Variants in SYK observed in about 807,000 individuals in gnomAD.
SYK encodes the protein tyrosine-protein kinase SYK.
Under a neutral mutation model 77.8 loss-of-function variants are expected in SYK, and 16 were observed. The ratio of observed to expected loss-of-function variants is 0.21; its 90% CI spans 0.14 to 0.31. The LOEUF (loss-of-function observed/expected upper bound fraction) is 0.31. Ranked by LOEUF, SYK falls within the 10% of genes least tolerant of loss-of-function variation. SYK has a pLI of 1.00. For missense variants in SYK, 529 were observed against 814.4 expected (o/e 0.65, Z 4.26); for synonymous variants, 312 against 308.7 (o/e 1.01, Z -0.11).
At chr9:90,816,143 G>A (rs376743667) in intron 1 of SYK, among the ~76,000 whole-genome samples, 16 of 152,308 alleles carry the variant, frequency 1.1e-4, no homozygotes, top group Middle Eastern at 6.8e-3. Flanking sequence ...TTTAGCGATC[G>A]TGAGAACCAC....
chr9:90,826,804 G>A (rs960270127), intron 1 of SYK, among the ~76,000 whole-genome samples: 17 of 152,200 alleles, frequency 1.1e-4, no homozygotes, highest in Admixed American at 1.1e-3. Flanking sequence ...AAAGTACCCT[G>A]AGGGAGCTGG....
At chr9:90,885,600 T>C (rs57851852) in intron 11 of SYK, among the ~76,000 whole-genome samples, 8,989 of 152,216 alleles carry the variant, frequency 0.059, 357 homozygotes, top group East Asian at 0.14. Flanking sequence ...AATGAAAGAT[T>C]AGAAATCCTA....
chr9:90,845,814 C>G (rs1162273138), intron 3 of SYK, among the ~76,000 whole-genome samples: 1 of 152,218 alleles, frequency 6.6e-6, no homozygotes, highest in Non-Finnish European at 1.5e-5. Context: ...AAAATGAACA[C>G]TCTTTTTGGG....
At chr9:90,840,575 A>C (rs1291147611) in intron 1 of SYK, among the ~76,000 whole-genome samples, 1 of 151,052 alleles carries the variant, frequency 6.6e-6, no homozygotes, top group Admixed American at 6.6e-5. Flanking sequence ...AAAAAAAAAA[A>C]ACTGTAGAAA....
intron 1 of SYK, among the ~76,000 whole-genome samples, chr9:90,812,776 T>TGC (rs1825136185): frequency 2.2e-5 from 2 of 91,526 alleles, no homozygotes; most frequent in South Asian, 4.5e-4. Context: ...TGTGTGTGTG[T>TGC]GTGAGAGAGA....
chr9:90,831,350 G>A (rs1353616733), intron 1 of SYK, among the ~76,000 whole-genome samples: 1 of 152,152 alleles, frequency 6.6e-6, no homozygotes, highest in African/African-American at 2.4e-5. Flanking sequence ...TTGATAACTA[G>A]GACAGATGGG....
chr9:90,829,070 C>T (rs779975256), intron 1 of SYK, among the ~76,000 whole-genome samples: 8 of 152,188 alleles, frequency 5.3e-5, no homozygotes, highest in Non-Finnish European at 1.2e-4. Context: ...GTGGGCGGAT[C>T]ATGAGGTCAG....
chr9:90,824,341 T>C (rs1825604675), intron 1 of SYK, among the ~76,000 whole-genome samples: 1 of 152,186 alleles, frequency 6.6e-6, no homozygotes, highest in Non-Finnish European at 1.5e-5. Context: ...CCATAATCTC[T>C]TCCAGAAAAT....
intron 3 of SYK, among the ~76,000 whole-genome samples, chr9:90,855,041 T>TACACACAC (rs1826975322): frequency 1.6e-5 from 1 of 61,264 alleles, no homozygotes; most frequent in Non-Finnish European, 3.8e-5. Context: ...CACACACACT[T>TACACACAC]GAGAACCGCG....
At chr9:90,836,234 C>G (rs1053699839) in intron 1 of SYK, among the ~76,000 whole-genome samples, 2 of 151,096 alleles carry the variant, frequency 1.3e-5, no homozygotes, top group Non-Finnish European at 2.9e-5. Context: ...TTGCAGTGAG[C>G]CGAGATTGTG....
chr9:90,871,179 A>G (rs1218096772), intron 7 of SYK, among the ~76,000 whole-genome samples: 3 of 152,236 alleles, frequency 2.0e-5, no homozygotes, highest in African/African-American at 7.2e-5. Flanking sequence ...AAAAGTCACC[A>G]GTTGTTCTTT....
chr9:90,830,748 G>A (rs903133381), intron 1 of SYK, among the ~76,000 whole-genome samples: 1 of 152,002 alleles, frequency 6.6e-6, no homozygotes, highest in South Asian at 2.1e-4. Context: ...ACCACGCCTG[G>A]CTAATTTTTT....
intron 1 of SYK, among the ~76,000 whole-genome samples, chr9:90,831,977 T>G (rs1461523620): frequency 6.6e-6 from 1 of 152,224 alleles, no homozygotes; most frequent in Non-Finnish European, 1.5e-5. Context: ...GAAGCTACTT[T>G]CAGGCATGAG....
At chr9:90,882,209 A>G (rs746171066) in intron 11 of SYK, among the ~76,000 whole-genome samples, 4 of 152,264 alleles carry the variant, frequency 2.6e-5, no homozygotes, top group Non-Finnish European at 5.9e-5. Flanking sequence ...TTCAAAATTC[A>G]GAAGAAACCT....
chr9:90,838,235 C>G (rs1826162083), intron 1 of SYK, among the ~76,000 whole-genome samples: 1 of 152,208 alleles, frequency 6.6e-6, no homozygotes, highest in African/African-American at 2.4e-5. Flanking sequence ...TTATTCTGCA[C>G]TAGGAGCTGT....
chr9:90,867,425 A>G (rs1827548489), intron 7 of SYK, among the ~76,000 whole-genome samples: 1 of 152,184 alleles, frequency 6.6e-6, no homozygotes, highest in Admixed American at 6.5e-5. Flanking sequence ...GAAGTCCAAC[A>G]GTGTGAGCAT....
At chr9:90,884,086 C>T (rs1828266298) in intron 11 of SYK, among the ~76,000 whole-genome samples, 1 of 151,884 alleles carries the variant, frequency 6.6e-6, no homozygotes, top group Non-Finnish European at 1.5e-5. Context: ...AGAAATTATA[C>T]ATAGATTAAA....
chr9:90,876,946 A>G (rs16906904), intron 9 of SYK, among the ~76,000 whole-genome samples: 28,153 of 152,252 alleles, frequency 0.18, 2,956 homozygotes, highest in Admixed American at 0.3. Flanking sequence ...AGGAATTCGT[A>G]CATGTCATCG....
At chr9:90,820,926 C>T (rs1275634453) in intron 1 of SYK, among the ~76,000 whole-genome samples, 2 of 151,802 alleles carry the variant, frequency 1.3e-5, no homozygotes, top group African/African-American at 4.8e-5. Flanking sequence ...GAATGCTTTG[C>T]CTGCTTAGAA....
Sources: allele counts gnomAD v4.1 joint callset (sites outside exome capture counted in the v4.1 genomes callset), GRCh38; gene constraint gnomAD v4.1.1; transcripts MANE v1.5; gene names NCBI Gene and HGNC (gene_info 2026-07-23, HGNC 2026-07-21).